Variants in SART1 observed in about 807,000 individuals in gnomAD.
SART1 encodes U4/U6.U5 tri-snRNP-associated protein 1.
SART1 carries 28 observed loss-of-function variants against 105.0 expected under a neutral mutation model. The observed-to-expected ratio is 0.27, with a 90% CI of 0.20 to 0.37. The LOEUF is 0.37. Among genes scored for constraint, SART1 ranks in the 10% least tolerant of loss-of-function variants. SART1 has a pLI of 1.00. For missense variants in SART1, 894 were observed against 1,106.5 expected, an observed-to-expected ratio of 0.81 and a Z score of 2.72; for synonymous variants, 472 against 462.9, an observed-to-expected ratio of 1.02 and a Z score of -0.25.
chr11:65,964,740 C>T (rs193076697), intron 3 of SART1, among the ~76,000 whole-genome samples, 170 bp downstream of exon 3: 84 of 152,322 alleles, frequency 5.5e-4, no homozygotes, highest in African/African-American at 1.7e-3. Context: ...TCTGGGGCTC[C>T]GCCTGCTCTC....
At chr11:65,977,131 G>A (rs1046485925) in intron 15 of SART1, 30 bp downstream of exon 15, 2 of 1,534,868 alleles carry the variant, frequency 1.3e-6, no homozygotes, top group African/African-American at 1.4e-5. Context: ...CATGACTTGG[G>A]TGGGCTTGGG....
In SART1 at chr11:65,967,695, A is replaced by AC; in HGVS notation, c.1448dup (p.Pro484AlafsTer60). The AC allele has an allele frequency of 6.4e-7, 1 of 1,564,816 alleles. No individual in the cohort carries two copies. Among genetic ancestry groups the AC allele is most frequent in the Non-Finnish European group, 8.7e-7 (1 of 1,154,358 alleles). ...TTCCCCCAGAGGAAGGTGGAGCTCC[A>AC]CCGCCGGGGTCCCCGCAGGTGCTGG... On this transcript the variant is annotated frameshift_variant, in exon 12 of 20. Coordinates refer to ENST00000312397, the MANE Select transcript of SART1 (RefSeq NM_005146.5). LOFTEE classifies it high-confidence loss of function.
In SART1 at chr11:65,961,927, T is replaced by C. The variant is rs757576462; in HGVS notation, c.147T>C (p.Gly49=). 1.3e-6 allele frequency: 2 copies of C among 1,531,462 alleles called. No individual in the cohort carries two copies. The highest frequency in any genetic ancestry group is 1.8e-6 in the Non-Finnish European group (2 of 1,139,020). The allele number at this position is 1,531,462 out of a possible 1,614,324, so 94.9% of individuals were successfully genotyped here. A position where few individuals can be genotyped will look rare whatever the true frequency, so the allele number is the denominator to read the frequency against. ...GGAGTGGCGGCAGTGGCGGTAGCGG[T>C]GGCGAACGACGGAAGCGGAGCCGGG... ...KHRSGGSGGS[G]GERRKRSRER... The change falls in exon 1 of 20, where the codon GGT becomes GGC. Residue 49 remains glycine (G), a synonymous_variant. Coordinates refer to ENST00000312397, the MANE Select transcript of SART1 (RefSeq NM_005146.5).
chr11:65,966,181 C>T lies in SART1; in HGVS notation c.944C>T (p.Pro315Leu), dbSNP rs1164585671. The T allele has an allele frequency of 5.6e-6, 9 of 1,613,992 alleles. No homozygotes were observed. Among genetic ancestry groups the T allele is most frequent in the Non-Finnish European group, 6.8e-6 (8 of 1,180,028 alleles). Residue 315 changes from proline to leucine, a missense_variant, in exon 8 of 20, where the codon CCC (proline) becomes CTC (leucine). Around this residue, in one of 2 missense-constraint regions of SART1, gnomAD observed 712 missense variants for 778.2 expected, o/e 0.91. Coordinates refer to ENST00000312397, the MANE Select transcript of SART1 (RefSeq NM_005146.5). ...CGGAAGAAGAAGCCTGACTACCTGC[C>T]CTATGCCGAGGACGAGAGCGTGGAC... ...ELRKKKPDYL[P>L]YAEDESVDDL... is the part of the protein sequence containing the mutation.
chr11:65,965,149 G>A lies in SART1; in HGVS notation c.485G>A (p.Arg162Gln), dbSNP rs766231339. 5.6e-6 allele frequency: 9 copies of A among 1,601,520 alleles called. No homozygotes were observed. The African/African-American group carries it at 1.1e-4, about 19-fold the overall frequency. ...TADVINPMAL[R>Q]QREELREKLA... ...GATGTCATCAACCCTATGGCCTTGC[G>A]ACAGCGAGAGGAGCTGCGGGAGAAG... Residue 162 changes from arginine to glutamine, a missense_variant, in exon 4 of 20, where the codon CGA becomes CAA. By Grantham distance (43) the Arg-to-Gln change is conservative. This residue lies in a region of SART1 where 712 missense variants were observed against 778.2 expected (regional missense o/e 0.91). Transcript: ENST00000312397.
chr11:65,980,103 CCT>C lies in SART1; in HGVS notation c.*1074_*1075del, dbSNP rs763789662. On this transcript the variant is annotated 3_prime_UTR_variant, in exon 20 of 20. Coordinates refer to ENST00000312397, the MANE Select transcript of SART1 (RefSeq NM_005146.5). Reference sequence around the variant, plus strand: ...ACTGCAGCCTAGGTGACAGTCAGACCCTGTCTCAAAAAAAATAAAAAAAATTT... The same window carrying C: ...ACTGCAGCCTAGGTGACAGTCAGACCGTCTCAAAAAAAATAAAAAAAATTT... 3.3e-5 allele frequency among the ~76,000 whole-genome samples: 5 copies of C among 151,816 alleles called. No individual in the cohort carries two copies. Among genetic ancestry groups the C allele is most frequent in the Admixed American group, 6.6e-5 (1 of 15,236 alleles).
At chr11:65,966,012 G>A (rs367869405) in intron 7 of SART1, 26 bp downstream of exon 7, 6 of 1,613,816 alleles carry the variant, frequency 3.7e-6, no homozygotes, top group Non-Finnish European at 4.2e-6. Context: ...TGCCCTGGGT[G>A]GGGGCACAGC....
intron 15 of SART1, 98 bp from the exon 16 acceptor site, chr11:65,977,465 A>G: frequency 3.0e-6 from 3 of 991,194 alleles, no homozygotes; most frequent in Admixed American, 3.7e-5. Context: ...GAGGCAAGGA[A>G]AGGGAGGTGC....
At chr11:65,967,622 C>T (rs1262263249) in intron 11 of SART1, 36 bp downstream of exon 11, 3 of 1,603,978 alleles carry the variant, frequency 1.9e-6, no homozygotes, top group Non-Finnish European at 2.6e-6. Flanking sequence ...GGGGCAGGGA[C>T]AGGAGCCGCG....
At chr11:65,974,446 T>C (rs912105939) in intron 12 of SART1, among the ~76,000 whole-genome samples, 5 of 150,160 alleles carry the variant, frequency 3.3e-5, no homozygotes, top group African/African-American at 4.9e-5. Context: ...TTTGGGAGGC[T>C]GAGGTGAGTG....
At position 65,975,865 on chromosome 11, in the gene SART1, C is replaced by T. The variant is rs1019402146; in HGVS notation, c.1573-530C>T. Among the ~76,000 whole-genome samples, 14 of 151,984 alleles carry T rather than the reference C, an allele frequency of 9.2e-5. No individual in the cohort carries two copies. In the East Asian group the frequency reaches 1.2e-3, roughly 13 times the overall value. On this transcript the variant is annotated intron_variant, in intron 12 of 19. Coordinates refer to ENST00000312397, the MANE Select transcript of SART1 (RefSeq NM_005146.5). ...AGGGAAAGCAGAGGGTGCTGGTGCC[C>T]GTGTGGGGGTCGCTGGATTCAGTGC...
rs747485190 is a variant in SART1, at chr11:65,976,568, G to C, written c.1746G>C (p.Met582Ile). 3.1e-6 allele frequency: 5 copies of C among 1,612,754 alleles called. No individual in the cohort carries two copies. Among genetic ancestry groups the C allele is most frequent in the Non-Finnish European group, 4.2e-6 (5 of 1,179,548 alleles). The change falls in exon 13 of 20, where the codon ATG becomes ATC. Residue 582 changes from methionine (M) to isoleucine (I), a missense_variant and splice_region_variant. Transcript: ENST00000312397. This position sits in a 1 kb window ranked among gnomAD's most constrained non-coding sequence, Gnocchi z 5.1. The stretch of plus-strand genomic sequence containing the variant: ...ATCGCGAGGAGCAGGAGGAGCTCAT[G>C]GTGCGTCTGGGGCGGCCCCGCCCTC... ...AGNREEQEEL[M>I]DFERDEERSA...
At chr11:65,966,254 G>A in intron 8 of SART1, 36 bp downstream of exon 8, 1 of 1,613,856 alleles carries the variant, frequency 6.2e-7, no homozygotes, top group Non-Finnish European at 8.5e-7. Context: ...GGGGGCTGAG[G>A]TGGAGAATGT....
Position 65,970,470 on chromosome 11 carries a change from C to T in SART1, c.1572+2649C>T, listed in dbSNP as rs139631513. 2.8e-3 allele frequency among the ~76,000 whole-genome samples: 428 copies of T among 152,178 alleles called. 2 individuals carry two copies. Among genetic ancestry groups the T allele is most frequent in the African/African-American group, 9.8e-3 (405 of 41,508 alleles). ...GGAAGAAGAAAAAGATCTCGGCAGG[C>T]GGTGCTGGGGCCTAGAGTGCAAGTG... is the stretch of plus-strand genomic sequence containing the variant. On this transcript the variant is annotated intron_variant, in intron 12 of 19. Transcript: ENST00000312397.
At position 65,977,104 on chromosome 11, in the gene SART1, A is replaced by G; in HGVS notation, c.1945+3A>G. 1.2e-6 allele frequency: 2 copies of G among 1,610,814 alleles called. No homozygotes were observed. Among genetic ancestry groups the G allele is most frequent in the Non-Finnish European group, 1.7e-6 (2 of 1,177,650 alleles). ...CCTGCTCCTGTGTCAGAACAAAGGT[A>G]GGGAGCTCAGGGCAGCCATGACTTG... On this transcript the variant is annotated splice_donor_region_variant and intron_variant, in intron 15 of 19. Coordinates refer to ENST00000312397, the MANE Select transcript of SART1 (RefSeq NM_005146.5).
intron 6 of SART1, 32 bp downstream of exon 6, chr11:65,965,811 A>C: frequency 6.2e-7 from 1 of 1,613,548 alleles, no homozygotes; most frequent in Non-Finnish European, 8.5e-7. Flanking sequence ...TACAGGGGAC[A>C]CTGGTGGCCT....
Position 65,961,765 on chromosome 11 carries a change from G to A in SART1, c.-16G>A. ...CTGGGCTCGGCGGCAGCCGGGCTCG[G>A]AGTGGACGTGCCACTATGGGGTCGT... On this transcript the variant is annotated 5_prime_UTR_variant, in exon 1 of 20. Coordinates refer to ENST00000312397, the MANE Select transcript of SART1 (RefSeq NM_005146.5). 1 of 1,488,688 alleles carries A rather than the reference G, an allele frequency of 6.7e-7. No homozygotes were observed. The allele number at this position is 1,488,688 out of a possible 1,614,324, so 92.2% of individuals were successfully genotyped here. A position where few individuals can be genotyped will look rare whatever the true frequency, so the allele number is the denominator to read the frequency against.
At position 65,961,953 on chromosome 11, in the gene SART1, A is replaced by G; in HGVS notation, c.173A>G (p.Glu58Gly). ...SGGERRKRSRERGGERGSGRR... is the reference protein window; with the variant it reads ...SGGERRKRSRGRGGERGSGRR... ...GGCGAACGACGGAAGCGGAGCCGGG[A>G]ACGTGGGGGCGAGCGCGGGAGCGGG... is the stretch of plus-strand genomic sequence containing the variant. The change falls in exon 1 of 20, where the codon GAA (glutamate) becomes GGA (glycine). Residue 58 changes from glutamate (E) to glycine (G), a missense_variant. This residue lies in a region of SART1 where 712 missense variants were observed against 778.2 expected (regional missense o/e 0.91). Coordinates refer to ENST00000312397, the MANE Select transcript of SART1 (RefSeq NM_005146.5). 1 of 1,524,020 alleles carries G rather than the reference A, an allele frequency of 6.6e-7. No individual in the cohort carries two copies. The highest frequency in any genetic ancestry group is 2.0e-4 in the Middle Eastern group (1 of 4,984). The allele number at this position is 1,524,020 out of a possible 1,614,324, so 94.4% of individuals were successfully genotyped here. A position where few individuals can be genotyped will look rare whatever the true frequency, so the allele number is the denominator to read the frequency against.
Position 65,979,210 on chromosome 11 carries a change from G to A in SART1, c.*180G>A. The A allele has an allele frequency of 1.3e-6, 1 of 790,660 alleles. No individual in the cohort carries two copies. Among genetic ancestry groups the A allele is most frequent in the Non-Finnish European group, 2.1e-6 (1 of 485,324 alleles). 49.0% of individuals were successfully genotyped at this position (790,660 alleles called of 1,614,324 possible). A position where few individuals can be genotyped will look rare whatever the true frequency, so the allele number is the denominator to read the frequency against. On this transcript the variant is annotated 3_prime_UTR_variant, in exon 20 of 20. Transcript: ENST00000312397. ...AAATGACACAAACAACTAAACGATG[G>A]AAGAGAGAGCGAGCCCGGGTCCTCT... is the stretch of plus-strand genomic sequence containing the variant.
Sources: allele counts gnomAD v4.1 joint callset (sites outside exome capture counted in the v4.1 genomes callset), GRCh38; gene constraint gnomAD v4.1.1; regional missense constraint gnomAD v4.1.1; non-coding constraint Gnocchi (gnomAD v3.1); transcripts MANE v1.5; gene names NCBI Gene and HGNC (gene_info 2026-07-23, HGNC 2026-07-21).